BORCS6: variants seen among roughly 807,000 people sequenced by gnomAD.
BORCS6 encodes BLOC-1-related complex subunit 6.
A neutral mutation model predicts 17.0 loss-of-function variants in BORCS6; 12 were observed. The ratio of observed to expected loss-of-function variants is 0.71; its 90% confidence interval spans 0.45 to 1.15. BORCS6 has a LOEUF of 1.15. BORCS6 is among the 50% of genes most tolerant of loss of function. The pLI, the probability that BORCS6 is intolerant of heterozygous loss-of-function variation, is 0.00. For synonymous variants in BORCS6, 262 were observed against 241.7 expected (o/e 1.08, Z -0.78); for missense variants, 513 against 515.0 (o/e 1.00, Z 0.04).
In BORCS6 at chr17:8,189,920, T is replaced by C; in HGVS notation, c.221A>G (p.Glu74Gly). ...TSSCGVVHRP[E>G]REALENEPGP... ...GGGCTCGTTCTCCAGAGCCTCCCGT[T>C]CCGGCCGGTGGACGACGCCGCAGCT... Residue 74 changes from glutamate (E) to glycine (G), a missense_variant, in exon 1 of 1, where the codon GAA (glutamate) becomes GGA (glycine). Physicochemically the swap from Glu to Gly is moderately conservative, Grantham distance 98 (BLOSUM62 -2). Coordinates refer to ENST00000389017, the MANE Select transcript of BORCS6 (RefSeq NM_017622.3). This position sits in a 1 kb window ranked among gnomAD's most constrained non-coding sequence, Gnocchi z 7.8. 6.5e-7 allele frequency: 1 copy of C among 1,548,700 alleles called. No individual in the cohort carries two copies. Among genetic ancestry groups the C allele is most frequent in the Non-Finnish European group, 8.7e-7 (1 of 1,146,734 alleles).
In BORCS6 at chr17:8,188,614, G is replaced by C. The variant is rs1984554335; in HGVS notation, c.*453C>G. On this transcript the variant is annotated 3_prime_UTR_variant, in exon 1 of 1. Transcript: ENST00000389017. ...TGCATCTTTGCCTGCGGGGTGTTTG[G>C]CCAAGGACGGCACAAGCTCCCACAG... The C allele has an allele frequency of 4.9e-6, 1 of 205,456 alleles. No individual in the cohort carries two copies. Among genetic ancestry groups the C allele is most frequent in the African/African-American group, 2.4e-5 (1 of 42,038 alleles). The allele number at this position is 205,456 out of a possible 1,614,324, so 12.7% of individuals were successfully genotyped here.
rs1234086786 is a variant in BORCS6 at position 8,190,075 on chromosome 17, G to A, written c.66C>T (p.Ala22=). ...GGCCCGGCCCGCCGCCAAAGACTAG[G>A]GCCTGATGTTCCGCTACAGCCAGAA... is the stretch of plus-strand genomic sequence containing the variant. ...TDLLAVAEHQ[A]LVFGGGPGRT... is the part of the protein sequence containing the mutation. The change falls in exon 1 of 1, where the codon GCC becomes GCT. Residue 22 remains alanine, a synonymous_variant. Coordinates refer to ENST00000389017, the MANE Select transcript of BORCS6 (RefSeq NM_017622.3). The A allele has an allele frequency of 1.3e-6, 2 of 1,550,188 alleles. No homozygotes were observed. The highest frequency in any genetic ancestry group is 1.7e-6 in the Non-Finnish European group (2 of 1,146,858).
At position 8,189,160 on chromosome 17, in the gene BORCS6, C is replaced by A. The variant is rs1255051740; in HGVS notation, c.981G>T (p.Glu327Asp). The change falls in exon 1 of 1, where the codon GAG (glutamate) becomes GAT (aspartate). Residue 327 changes from glutamate to aspartate, a missense_variant. Coordinates refer to ENST00000389017, the MANE Select transcript of BORCS6 (RefSeq NM_017622.3). This position sits in a 1 kb window ranked among gnomAD's most constrained non-coding sequence, Gnocchi z 7.8. Reference sequence around the variant, plus strand: ...GAACCGGCTGCAGAGCCCGCTCCAGCTCCTCGCAGCGCGCCAGCAGGGTGT... The same window carrying A: ...GAACCGGCTGCAGAGCCCGCTCCAGATCCTCGCAGCGCGCCAGCAGGGTGT... ...GMYTLLARCE[E>D]LERALQPVQG... 3 of 1,614,116 alleles carry A rather than the reference C, an allele frequency of 1.9e-6. No homozygotes were observed. The highest frequency in any genetic ancestry group is 1.7e-5 in the Admixed American group (1 of 60,038).
Position 8,190,146 on chromosome 17 carries a change from A to G in BORCS6, c.-6T>C. ...CGCCCCCGAGACGACTCCATACTGC[A>G]GGTGGGGGCCGCAACGGAGGAATTG... On this transcript the variant is annotated 5_prime_UTR_variant, in exon 1 of 1. Coordinates refer to ENST00000389017, the MANE Select transcript of BORCS6 (RefSeq NM_017622.3). The G allele has an allele frequency of 6.5e-7, 1 of 1,538,930 alleles. No homozygotes were observed. Among genetic ancestry groups the G allele is most frequent in the Admixed American group, 2.1e-5 (1 of 46,838 alleles).
At position 8,189,042 on chromosome 17, in the gene BORCS6, G is replaced by A. The variant is rs754595644; in HGVS notation, c.*25C>T. 1 of 1,613,888 alleles carries A rather than the reference G, an allele frequency of 6.2e-7. No individual in the cohort carries two copies. The highest frequency in any genetic ancestry group is 1.7e-5 in the Admixed American group (1 of 60,028). ...GTCCTGCTGGGCCCTGCCCTGGCCA[G>A]GACCGGCCTCTCCTGTCCTCCTGGT... On this transcript the variant is annotated 3_prime_UTR_variant, in exon 1 of 1. Transcript: ENST00000389017. The surrounding 1 kb of genome is among the most constrained non-coding windows in gnomAD (Gnocchi z 7.8).
rs1368889046 is a variant in BORCS6, at chr17:8,188,387, C to G, written c.*680G>C. ...TTAATTCCACAAAAACTCAGAAAGC[C>G]AAAACTGATTAGAACACTCCACAAC... On this transcript the variant is annotated 3_prime_UTR_variant, in exon 1 of 1. Coordinates refer to ENST00000389017, the MANE Select transcript of BORCS6 (RefSeq NM_017622.3). 6.5e-6 allele frequency: 1 copy of G among 153,956 alleles called. No homozygotes were observed. Among genetic ancestry groups the G allele is most frequent in the Non-Finnish European group, 1.5e-5 (1 of 68,942 alleles). 9.5% of individuals were successfully genotyped at this position (153,956 alleles called of 1,614,324 possible). A position where few individuals can be genotyped will look rare whatever the true frequency, so the allele number is the denominator to read the frequency against.
rs1231446318 is a variant in BORCS6, at chr17:8,189,622, G to A, written c.519C>T (p.Ser173=). The change falls in exon 1 of 1, where the codon AGC becomes AGT. Residue 173 remains serine, a synonymous_variant. Coordinates refer to ENST00000389017, the MANE Select transcript of BORCS6 (RefSeq NM_017622.3). This position sits in a 1 kb window ranked among gnomAD's most constrained non-coding sequence, Gnocchi z 7.8. ...AGGACCCGGCGCCACCGCACGCCTC[G>A]CTCAGCCCGTCCAGGCTGCGGCTGT... is the stretch of plus-strand genomic sequence containing the variant. ...LQDSRSLDGL[S]EACGGAGSSG... The A allele has an allele frequency of 6.3e-7, 1 of 1,598,770 alleles. No individual in the cohort carries two copies. Among genetic ancestry groups the A allele is most frequent in the Non-Finnish European group, 8.5e-7 (1 of 1,178,176 alleles).
rs989491329 is a variant in BORCS6 at position 8,189,431 on chromosome 17, G to A, written c.710C>T (p.Ala237Val). 2 of 1,569,272 alleles carry A rather than the reference G, an allele frequency of 1.3e-6. No homozygotes were observed. The highest frequency in any genetic ancestry group is 1.7e-6 in the Non-Finnish European group (2 of 1,157,566). Reference protein sequence around the residue: ...LSGAPPPPPSAPARPCPAPAP... With the variant: ...LSGAPPPPPSVPARPCPAPAP... The stretch of plus-strand genomic sequence containing the variant: ...AGGCGCTGGGCAGGGCCGCGCAGGG[G>A]CAGAAGGCGGGGGTGGAGGCGCGCC... Residue 237 changes from alanine (A) to valine (V), a missense_variant, in exon 1 of 1, where the codon GCC (alanine) becomes GTC (valine). By Grantham distance (64) the Ala-to-Val change is moderately conservative. Transcript: ENST00000389017. The surrounding 1 kb of genome is among the most constrained non-coding windows in gnomAD (Gnocchi z 7.8).
chr17:8,189,329 A>C lies in BORCS6; in HGVS notation c.812T>G (p.Leu271Arg). Residue 271 changes from leucine (L) to arginine (R), a missense_variant, in exon 1 of 1, where the codon CTG becomes CGG. Physicochemically the swap from Leu to Arg is moderately radical, Grantham distance 102. Coordinates refer to ENST00000389017, the MANE Select transcript of BORCS6 (RefSeq NM_017622.3). The surrounding 1 kb of genome is among the most constrained non-coding windows in gnomAD (Gnocchi z 7.8). ...AAGCAGACGGTCCACCCGGCCTCCC[A>C]GCTCCCGACTCAACCGCTCCAGATC... is the stretch of plus-strand genomic sequence containing the variant. ...LRDLERLSRE[L>R]GGRVDRLLRG... 1 of 1,612,852 alleles carries C rather than the reference A, an allele frequency of 6.2e-7. No homozygotes were observed. The highest frequency in any genetic ancestry group is 1.7e-5 in the Admixed American group (1 of 59,896).
Position 8,189,075 on chromosome 17 carries a change from A to G in BORCS6, c.1066T>C (p.Cys356Arg). ...CTCTCCTGTCCTCCTGGTCACTTGC[A>G]CAGGGCCTCCAACACCTCCAGAGTA... ...RRTLEVLEAL[C>R]K is the part of the protein sequence containing the mutation. The change falls in exon 1 of 1, where the codon TGC becomes CGC. Residue 356 changes from cysteine (C) to arginine (R), a missense_variant. Transcript: ENST00000389017. The surrounding 1 kb of genome is among the most constrained non-coding windows in gnomAD (Gnocchi z 7.8). 8 of 1,614,046 alleles carry G rather than the reference A, an allele frequency of 5.0e-6. No individual in the cohort carries two copies. Among genetic ancestry groups the G allele is most frequent in the Non-Finnish European group, 5.9e-6 (7 of 1,179,990 alleles).
chr17:8,189,810 T>A lies in BORCS6; in HGVS notation c.331A>T (p.Lys111Ter). ...EHEPSLSSRHKNPAPPEGKPS... is the reference protein window; with the variant it reads ...EHEPSLSSRH ...TTGCCCTCGGGCGGCGCCGGGTTCT[T>A]GTGCCGGGAGGACAGGGAAGGTTCG... is the stretch of plus-strand genomic sequence containing the variant. Residue 111 changes from lysine (K) to a stop codon, truncating the protein, a stop_gained, in exon 1 of 1, where the codon AAG (lysine) becomes TAG (stop). Transcript: ENST00000389017. LOFTEE classifies it high-confidence loss of function. This position sits in a 1 kb window ranked among gnomAD's most constrained non-coding sequence, Gnocchi z 7.8. 1 of 1,587,820 alleles carries A rather than the reference T, an allele frequency of 6.3e-7. No homozygotes were observed. Among genetic ancestry groups the A allele is most frequent in the Non-Finnish European group, 8.5e-7 (1 of 1,171,402 alleles).
rs762597553 is a variant in BORCS6 at position 8,189,311 on chromosome 17, C to T, written c.830G>A (p.Arg277His). ...LSRELGGRVDRLLRGLGGAVQ... is the reference protein window; with the variant it reads ...LSRELGGRVDHLLRGLGGAVQ... The stretch of plus-strand genomic sequence containing the variant: ...CGCGCCACCCAGACCGCGAAGCAGA[C>T]GGTCCACCCGGCCTCCCAGCTCCCG... Residue 277 changes from arginine (R) to histidine (H), a missense_variant, in exon 1 of 1, where the codon CGT becomes CAT. Transcript: ENST00000389017. This position sits in a 1 kb window ranked among gnomAD's most constrained non-coding sequence, Gnocchi z 7.8. 9 of 1,613,276 alleles carry T rather than the reference C, an allele frequency of 5.6e-6. No individual in the cohort carries two copies. The highest frequency in any genetic ancestry group is 2.2e-5 in the South Asian group (2 of 91,038).
Position 8,189,167 on chromosome 17 carries a change from C to A in BORCS6, c.974G>T (p.Cys325Phe). 6.2e-7 allele frequency: 1 copy of A among 1,614,130 alleles called. No individual in the cohort carries two copies. The highest frequency in any genetic ancestry group is 8.5e-7 in the Non-Finnish European group (1 of 1,180,028). ...CTGCAGAGCCCGCTCCAGCTCCTCG[C>A]AGCGCGCCAGCAGGGTGTACATGCC... ...IKGMYTLLAR[C>F]EELERALQPV... The change falls in exon 1 of 1, where the codon TGC becomes TTC. Residue 325 changes from cysteine to phenylalanine, a missense_variant. By Grantham distance (205) the Cys-to-Phe change is radical. Coordinates refer to ENST00000389017, the MANE Select transcript of BORCS6 (RefSeq NM_017622.3). The surrounding 1 kb of genome is among the most constrained non-coding windows in gnomAD (Gnocchi z 7.8).
In BORCS6 at chr17:8,188,844, A is replaced by T. The variant is rs1053827361; in HGVS notation, c.*223T>A. ...TAGCTACAGATGGCCAACTGAATAC[A>T]AGCAGAGCAACATCCCTTCCCACCA... On this transcript the variant is annotated 3_prime_UTR_variant, in exon 1 of 1. Transcript: ENST00000389017. The T allele has an allele frequency of 1.9e-5, 12 of 636,200 alleles. No individual in the cohort carries two copies. The highest frequency in any genetic ancestry group is 3.7e-5 in the African/African-American group (2 of 54,486). The allele number at this position is 636,200 out of a possible 1,614,324, so 39.4% of individuals were successfully genotyped here. A position where few individuals can be genotyped will look rare whatever the true frequency, so the allele number is the denominator to read the frequency against.
rs977833038 is a variant in BORCS6, at chr17:8,189,897, G to C, written c.244C>G (p.Pro82Ala). 13 of 1,547,420 alleles carry C rather than the reference G, an allele frequency of 8.4e-6. No individual in the cohort carries two copies. The highest frequency in any genetic ancestry group is 2.0e-5 in the Admixed American group (1 of 50,946). The change falls in exon 1 of 1, where the codon CCC (proline) becomes GCC (alanine). Residue 82 changes from proline (P) to alanine (A), a missense_variant. Pro to Ala is a conservative substitution (Grantham distance 27). Coordinates refer to ENST00000389017, the MANE Select transcript of BORCS6 (RefSeq NM_017622.3). This position sits in a 1 kb window ranked among gnomAD's most constrained non-coding sequence, Gnocchi z 7.8. ...RPEREALENE[P>A]GPQGTLSGAG... ...CCAGACAGCGTCCCTTGAGGGCCGG[G>C]CTCGTTCTCCAGAGCCTCCCGTTCC...
Position 8,189,055 on chromosome 17 carries a change from C to T in BORCS6, c.*12G>A, listed in dbSNP as rs1250207985. ...CTGCCCTGGCCAGGACCGGCCTCTC[C>T]TGTCCTCCTGGTCACTTGCACAGGG... On this transcript the variant is annotated 3_prime_UTR_variant, in exon 1 of 1. Coordinates refer to ENST00000389017, the MANE Select transcript of BORCS6 (RefSeq NM_017622.3). The surrounding 1 kb of genome is among the most constrained non-coding windows in gnomAD (Gnocchi z 7.8). 1 of 1,613,942 alleles carries T rather than the reference C, an allele frequency of 6.2e-7. No homozygotes were observed. Among genetic ancestry groups the T allele is most frequent in the African/African-American group, 1.3e-5 (1 of 74,948 alleles).
rs1984583216 is a variant in BORCS6, at chr17:8,189,472, G to T, written c.669C>A (p.Leu223=). 1.3e-6 allele frequency: 2 copies of T among 1,573,214 alleles called. No homozygotes were observed. The highest frequency in any genetic ancestry group is 1.9e-5 in the Admixed American group (1 of 51,710). ...GAGGCGCGCCGCTCAGACGGATCTT[G>T]AGTTGCAGGTTGTTGGCGACAAAGT... ...LTHFVANNLQ[L]KIRLSGAPPP... Residue 223 remains leucine, a synonymous_variant, in exon 1 of 1, where the codon CTC becomes CTA. Coordinates refer to ENST00000389017, the MANE Select transcript of BORCS6 (RefSeq NM_017622.3). The surrounding 1 kb of genome is among the most constrained non-coding windows in gnomAD (Gnocchi z 7.8).
In BORCS6 at chr17:8,189,319, C is replaced by G; in HGVS notation, c.822G>C (p.Arg274=). ...CCAGACCGCGAAGCAGACGGTCCACCCGGCCTCCCAGCTCCCGACTCAACC... is the reference window on the plus strand; with the variant it reads ...CCAGACCGCGAAGCAGACGGTCCACGCGGCCTCCCAGCTCCCGACTCAACC... ...LERLSRELGG[R]VDRLLRGLGG... The change falls in exon 1 of 1, where the codon CGG becomes CGC. Residue 274 remains arginine (R), a synonymous_variant. Transcript: ENST00000389017. This position sits in a 1 kb window ranked among gnomAD's most constrained non-coding sequence, Gnocchi z 7.8. 1 of 1,613,320 alleles carries G rather than the reference C, an allele frequency of 6.2e-7. No homozygotes were observed. Among genetic ancestry groups the G allele is most frequent in the Non-Finnish European group, 8.5e-7 (1 of 1,179,822 alleles).
chr17:8,189,404 G>T lies in BORCS6; in HGVS notation c.737C>A (p.Ala246Glu). 1.3e-6 allele frequency: 2 copies of T among 1,584,706 alleles called. No homozygotes were observed. The highest frequency in any genetic ancestry group is 1.7e-6 in the Non-Finnish European group (2 of 1,165,416). ...SAPARPCPAP[A>E]PTPTPAIPPI... ...GGGAATGGCCGGTGTGGGTGTGGGTGCAGGCGCTGGGCAGGGCCGCGCAGG... is the reference window on the plus strand; with the variant it reads ...GGGAATGGCCGGTGTGGGTGTGGGTTCAGGCGCTGGGCAGGGCCGCGCAGG... The change falls in exon 1 of 1, where the codon GCA becomes GAA. Residue 246 changes from alanine to glutamate, a missense_variant. Ala to Glu is a moderately radical substitution (Grantham distance 107, BLOSUM62 -1). Transcript: ENST00000389017. This position sits in a 1 kb window ranked among gnomAD's most constrained non-coding sequence, Gnocchi z 7.8.
Sources: allele counts gnomAD v4.1 joint callset, GRCh38; gene constraint gnomAD v4.1.1; non-coding constraint Gnocchi (gnomAD v3.1); transcripts MANE v1.5; gene names NCBI Gene and HGNC (gene_info 2026-07-23, HGNC 2026-07-21).